The following GPR55 variants were observed in gnomAD, a reference collection of about 807,000 sequenced individuals.
The protein encoded by GPR55 is G protein-coupled receptor 55.
A neutral mutation model predicts 7.9 loss-of-function variants in GPR55; 6 were observed. That is an observed-to-expected ratio of 0.76 (90% CI 0.41 to 1.49). The LOEUF (loss-of-function observed/expected upper bound fraction) is 1.49. Among genes scored for constraint, GPR55 ranks in the 40% most tolerant of loss-of-function variants. GPR55 has a pLI of 0.01. For missense variants in GPR55, 376 were observed against 406.0 expected (o/e 0.93, Z 0.63); for synonymous variants, 183 against 166.8 (o/e 1.10, Z -0.75).
intron 1 of GPR55, among the ~76,000 whole-genome samples, chr2:230,947,052 C>G (rs534999580): frequency 1.3e-4 from 20 of 152,336 alleles, no homozygotes; most frequent in African/African-American, 4.8e-4. Context: ...AACTTTCTGA[C>G]GGCCCTGTCA....
At chr2:230,918,401 G>T (rs939755004) in intron 1 of GPR55, among the ~76,000 whole-genome samples, 1 of 152,172 alleles carries the variant, frequency 6.6e-6, no homozygotes, top group Non-Finnish European at 1.5e-5. Flanking sequence ...TACAAGGTTT[G>T]ACACAAGAAG....
At chr2:230,937,555 G>C (rs2125064352) in intron 1 of GPR55, among the ~76,000 whole-genome samples, 1 of 151,568 alleles carries the variant, frequency 6.6e-6, no homozygotes, top group Admixed American at 6.6e-5. Flanking sequence ...CCCTTCTGCA[G>C]AAGTAAATTG....
At chr2:230,926,402 G>A (rs1471135391), upstream of GPR55, among the ~76,000 whole-genome samples, 3 of 152,222 alleles carry the variant, frequency 2.0e-5, no homozygotes, top group African/African-American at 4.8e-5. Flanking sequence ...TGCCCCCAGC[G>A]AGGCCCCCCT....
chr2:230,937,396 C>T (rs995046709), intron 1 of GPR55, among the ~76,000 whole-genome samples: 3 of 151,710 alleles, frequency 2.0e-5, no homozygotes, highest in Non-Finnish European at 2.9e-5. Flanking sequence ...GAGAGTGAGG[C>T]ATTGTCACTC....
rs181147208 is a variant in GPR55, at chr2:230,917,407, G to T, written c.-134-6311C>A. ...TTTCTCAAGCAGCCAAAAAACACTT[G>T]CCAAAAATGAATTATCTACCTTACA... On this transcript the variant is annotated intron_variant, in intron 1 of 1. Coordinates refer to ENST00000650999, the MANE Select transcript of GPR55 (RefSeq NM_005683.4). 2.9e-3 allele frequency among the ~76,000 whole-genome samples: 435 copies of T among 152,068 alleles called. 2 individuals carry two copies. The highest frequency in any genetic ancestry group is 0.01 in the African/African-American group (417 of 41,470).
intron 1 of GPR55, among the ~76,000 whole-genome samples, chr2:230,916,308 G>T (rs1690714312): frequency 6.6e-6 from 1 of 152,068 alleles, no homozygotes; most frequent in Non-Finnish European, 1.5e-5. Flanking sequence ...GATCACTTGA[G>T]CCCAGGAGTT....
chr2:230,933,437 C>G (rs1691081244), intron 1 of GPR55, among the ~76,000 whole-genome samples: 1 of 152,226 alleles, frequency 6.6e-6, no homozygotes, highest in African/African-American at 2.4e-5. Context: ...CACGGGGCAG[C>G]CCATGGTGTG....
At chr2:230,914,580 C>T (rs1285834969) in intron 1 of GPR55, among the ~76,000 whole-genome samples, 2 of 150,134 alleles carry the variant, frequency 1.3e-5, no homozygotes, top group East Asian at 2.0e-4. Flanking sequence ...GCACTCCAAA[C>T]GGCAGCAAGA....
At chr2:230,911,936 A>G (rs773981610) in intron 1 of GPR55, among the ~76,000 whole-genome samples, 2 of 152,090 alleles carry the variant, frequency 1.3e-5, no homozygotes, top group African/African-American at 2.4e-5. Context: ...TTCTGCATCA[A>G]GGTATGTAGC....
chr2:230,946,835 G>A (rs1691325440), intron 1 of GPR55, among the ~76,000 whole-genome samples: 1 of 152,234 alleles, frequency 6.6e-6, no homozygotes, highest in South Asian at 2.1e-4. Context: ...CTGGGGCAGG[G>A]GCCAGGGCAA....
At chr2:230,956,054 C>A (rs1309006707) in intron 1 of GPR55, among the ~76,000 whole-genome samples, 2 of 151,974 alleles carry the variant, frequency 1.3e-5, no homozygotes, top group Non-Finnish European at 2.9e-5. Flanking sequence ...CTAGAGGATT[C>A]CTAATTCTCC....
At chr2:230,916,155 C>T (rs1194406307) in intron 1 of GPR55, among the ~76,000 whole-genome samples, 1 of 151,956 alleles carries the variant, frequency 6.6e-6, no homozygotes, top group Non-Finnish European at 1.5e-5. Context: ...TGAAGGAGCA[C>T]TCGAGCCCAG....
chr2:230,949,255 C>G (rs1453296578), intron 1 of GPR55, among the ~76,000 whole-genome samples: 1 of 152,046 alleles, frequency 6.6e-6, no homozygotes, highest in Non-Finnish European at 1.5e-5. Flanking sequence ...CGTCTGTCTC[C>G]CGGGTTAAAG....
chr2:230,915,510 G>A (rs1690688864), intron 1 of GPR55, among the ~76,000 whole-genome samples: 4 of 152,184 alleles, frequency 2.6e-5, no homozygotes. Flanking sequence ...TCTGTGAATG[G>A]AGTGAAAGGA....
chr2:230,936,863 G>A (rs1691141130), intron 1 of GPR55, among the ~76,000 whole-genome samples: 1 of 152,148 alleles, frequency 6.6e-6, no homozygotes, highest in Admixed American at 6.5e-5. Context: ...TTGTTTGGCT[G>A]GAGGCTAAGG....
At position 230,952,218 on chromosome 2, in the gene GPR55, G is replaced by A. The variant is rs903815966; in HGVS notation, c.-135+8557C>T. Among the ~76,000 whole-genome samples, 8 of 152,360 alleles carry A rather than the reference G, an allele frequency of 5.3e-5. No individual in the cohort carries two copies. The South Asian group carries it at 1.2e-3, about 24-fold the overall frequency. On this transcript the variant is annotated intron_variant, in intron 1 of 1. Transcript: ENST00000392039. ...GGACAGGGAAAGCCTGAGGGCGGGC[G>A]CAGCTTGTGTGCCAGGAGCCACAAT...
At chr2:230,920,085 CT>C (rs916857106) in intron 1 of GPR55, among the ~76,000 whole-genome samples, 1 of 121,328 alleles carries the variant, frequency 8.2e-6, no homozygotes, top group Non-Finnish European at 1.6e-5. Context: ...ATCTTTATCT[CT>C]GTCTTTTGTG....
chr2:230,925,757 G>A (rs1472248138), upstream of GPR55, among the ~76,000 whole-genome samples: 1 of 152,192 alleles, frequency 6.6e-6, no homozygotes, highest in Non-Finnish European at 1.5e-5. Flanking sequence ...GGAGACCTCA[G>A]CCACTGCATG....
intron 1 of GPR55, among the ~76,000 whole-genome samples, chr2:230,943,877 G>A (rs1392839561): frequency 6.6e-6 from 1 of 152,238 alleles, no homozygotes; most frequent in Middle Eastern, 3.2e-3. Flanking sequence ...CAGAAGCAGG[G>A]CAGATGCCGG....
Sources: gnomAD v4.1 joint callset for allele counts (sites outside exome capture counted in the v4.1 genomes callset) on GRCh38, gnomAD v4.1.1 for gene constraint, MANE v1.5 for transcripts, NCBI Gene and HGNC (gene_info 2026-07-23, HGNC 2026-07-21) for gene names.